ZNF560: variants seen among roughly 807,000 people sequenced by gnomAD.
ZNF560 encodes the protein zinc finger protein 560.
A neutral mutation model predicts 81.8 loss-of-function variants in ZNF560; 54 were observed. The ratio of observed to expected loss-of-function variants is 0.66; its 90% CI spans 0.53 to 0.83. The LOEUF (loss-of-function observed/expected upper bound fraction) is 0.83. Among genes scored for constraint, ZNF560 ranks in the 40% least tolerant of loss-of-function variants. ZNF560 has a pLI of 0.00. For synonymous variants in ZNF560, 321 were observed against 317.9 expected (o/e 1.01, Z -0.10); for missense variants, 940 against 932.4 (o/e 1.01, Z -0.11).
At chr19:9,452,397 C>T in the ZNF560 span, among the ~76,000 whole-genome samples, 15,061 of 152,064 alleles carry the variant, frequency 0.099, 890 homozygotes, top group South Asian at 0.2. Flanking sequence ...ATGCCATTAC[C>T]GGGTATATAC....
the ZNF560 span, among the ~76,000 whole-genome samples, chr19:9,455,164 A>C: frequency 6.6e-6 from 1 of 152,184 alleles, no homozygotes; most frequent in Non-Finnish European, 1.5e-5. Flanking sequence ...CCAGATCAAC[A>C]GGGGAATGTT....
In ZNF560 at chr19:9,474,237, T is replaced by A; in HGVS notation, c.119A>T (p.Asp40Val). The A allele has an allele frequency of 6.2e-7, 1 of 1,614,162 alleles. No homozygotes were observed. The highest frequency in any genetic ancestry group is 8.5e-7 in the Non-Finnish European group (1 of 1,180,020). The change falls in exon 4 of 10, where the codon GAT becomes GTT. Residue 40 changes from aspartate to valine, a missense_variant. By Grantham distance (152) the Asp-to-Val change is radical. Coordinates refer to ENST00000301480, the MANE Select transcript of ZNF560 (RefSeq NM_152476.3). ...LDPVQRNLYR[D>V]VMLENYENVA... is the part of the protein sequence containing the mutation. ...GTTCTCATAATTCTCCAGCATCACATCTCTGTATAAGTTTCTCTGAACTGG... is the reference window on the plus strand; with the variant it reads ...GTTCTCATAATTCTCCAGCATCACAACTCTGTATAAGTTTCTCTGAACTGG...
chr19:9,481,095 A>G (rs1361957237), intron 2 of ZNF560, among the ~76,000 whole-genome samples: 3 of 149,716 alleles, frequency 2.0e-5, no homozygotes, highest in African/African-American at 7.4e-5. Flanking sequence ...AAAAAAAAAA[A>G]AAAAGGCCTC....
intron 9 of ZNF560, among the ~76,000 whole-genome samples, chr19:9,468,710 C>A (rs979914932): frequency 6.7e-6 from 1 of 150,130 alleles, no homozygotes; most frequent in South Asian, 2.1e-4. Flanking sequence ...AAATATCTAT[C>A]ATTTCTGCTG....
intron 2 of ZNF560, among the ~76,000 whole-genome samples, chr19:9,496,470 T>C (rs1013436033): frequency 6.6e-6 from 1 of 150,938 alleles, no homozygotes; most frequent in Admixed American, 6.6e-5. Flanking sequence ...GTGATCCACC[T>C]GCCTCAGCCT....
At position 9,466,422 on chromosome 19, in the gene ZNF560, T is replaced by C. The variant is rs539263604; in HGVS notation, c.*152A>G. The C allele has an allele frequency of 9.0e-4, 602 of 669,134 alleles. 14 individuals are homozygous for C. In the South Asian group the frequency reaches 0.012, roughly 14 times the overall value. 41.4% of individuals were successfully genotyped at this position (669,134 alleles called of 1,614,324 possible). ...TACAGGGTTTCTCTACAGTGTGAGT[T>C]TGTACATATCTAGAAAGATTCAACT... On this transcript the variant is annotated 3_prime_UTR_variant, in exon 10 of 10. Coordinates refer to ENST00000301480, the MANE Select transcript of ZNF560 (RefSeq NM_152476.3).
chr19:9,505,894 C>T, the ZNF560 span, among the ~76,000 whole-genome samples: 4,059 of 152,090 alleles, frequency 0.027, 186 homozygotes, highest in African/African-American at 0.092. Flanking sequence ...TAACTCCTGA[C>T]CTCATGTGAT....
intron 2 of ZNF560, among the ~76,000 whole-genome samples, chr19:9,493,958 C>G (rs1361814570): frequency 1.3e-5 from 2 of 151,476 alleles, no homozygotes; most frequent in East Asian, 3.9e-4. Flanking sequence ...CATGGTGAAA[C>G]ACTGTCTCTA....
upstream of ZNF560, among the ~76,000 whole-genome samples, chr19:9,500,508 A>T (rs2073624812): frequency 6.6e-6 from 1 of 152,042 alleles, no homozygotes; most frequent in Non-Finnish European, 1.5e-5. Context: ...TCACTATTGA[A>T]TATCACGTTA....
Position 9,467,074 on chromosome 19 carries a change from C to T in ZNF560, c.1873G>A (p.Asp625Asn). 3.1e-6 allele frequency: 5 copies of T among 1,613,990 alleles called. No individual in the cohort carries two copies. The highest frequency in any genetic ancestry group is 4.2e-6 in the Non-Finnish European group (5 of 1,180,006). ...LTKHLRRHTG[D>N]KPYEYKDCGK... is the part of the protein sequence containing the mutation. The stretch of plus-strand genomic sequence containing the variant: ...CAGTCCTTATATTCATAGGGCTTAT[C>T]TCCAGTGTGTCTTCGTAAATGTTTA... Residue 625 changes from aspartate (D) to asparagine (N), a missense_variant, in exon 10 of 10, where the codon GAT (aspartate) becomes AAT (asparagine). Asp to Asn is a conservative substitution (Grantham distance 23). Coordinates refer to ENST00000301480, the MANE Select transcript of ZNF560 (RefSeq NM_152476.3).
At chr19:9,494,194 T>C (rs892920539) in intron 2 of ZNF560, among the ~76,000 whole-genome samples, 9 of 151,724 alleles carry the variant, frequency 5.9e-5, no homozygotes, top group Non-Finnish European at 1.3e-4. Flanking sequence ...CATTCTCACT[T>C]AGGGGTGAGA....
At chr19:9,456,765 A>C in the ZNF560 span, among the ~76,000 whole-genome samples, 1 of 152,230 alleles carries the variant, frequency 6.6e-6, no homozygotes, top group African/African-American at 2.4e-5. Context: ...CTATTCAACC[A>C]ATTATAACTT....
intron 5 of ZNF560, 71 bp from the exon 6 acceptor site, chr19:9,471,449 T>A: frequency 1.0e-6 from 1 of 995,288 alleles, no homozygotes; most frequent in Non-Finnish European, 1.4e-6. Context: ...AGTTAAAAAT[T>A]ATAGGCCTCA....
upstream of ZNF560, among the ~76,000 whole-genome samples, chr19:9,499,804 C>A (rs905770558): frequency 3.3e-5 from 5 of 152,078 alleles, no homozygotes; most frequent in African/African-American, 1.2e-4. Context: ...AAATATTTTA[C>A]CTCTTGGGGT....
At position 9,466,681 on chromosome 19, in the gene ZNF560, T is replaced by A; in HGVS notation, c.2266A>T (p.Ile756Phe). Residue 756 changes from isoleucine to phenylalanine, a missense_variant, in exon 10 of 10, where the codon ATT (isoleucine) becomes TTT (phenylalanine). By Grantham distance (21) the Ile-to-Phe change is conservative. Transcript: ENST00000301480. The part of the protein sequence containing the change: ...GKAFRTSSGR[I>F]QHLRTHMGEK... ...CCCATATGAGTTCTTAAATGTTGAA[T>A]ACGTCCTGAGGATGTACGGAAGGCC... 6.2e-7 allele frequency: 1 copy of A among 1,614,164 alleles called. No homozygotes were observed. Among genetic ancestry groups the A allele is most frequent in the Non-Finnish European group, 8.5e-7 (1 of 1,180,022 alleles).
chr19:9,447,667 CAAAG>C, the ZNF560 span, among the ~76,000 whole-genome samples: 4 of 149,726 alleles, frequency 2.7e-5, no homozygotes, highest in East Asian at 5.8e-4. Flanking sequence ...CAGACAAACA[CAAAG>C]AAAAAAATGT....
At chr19:9,482,609 G>T (rs984669007) in intron 2 of ZNF560, among the ~76,000 whole-genome samples, 3 of 151,692 alleles carry the variant, frequency 2.0e-5, no homozygotes, top group Non-Finnish European at 4.4e-5. Flanking sequence ...ACAGGCAAGA[G>T]CAAGACCCTT....
At chr19:9,459,555 CAAGTT>C in the ZNF560 span, among the ~76,000 whole-genome samples, 1 of 152,094 alleles carries the variant, frequency 6.6e-6, no homozygotes, top group African/African-American at 2.4e-5. Flanking sequence ...AGGAATGAGA[CAAGTT>C]AAGAGTTCAT....
chr19:9,496,730 G>A (rs2073565214), intron 2 of ZNF560, among the ~76,000 whole-genome samples: 1 of 151,630 alleles, frequency 6.6e-6, no homozygotes, highest in Non-Finnish European at 1.5e-5. Flanking sequence ...GAGGTCAGGA[G>A]ATCAAGACCA....
Sources: gnomAD v4.1 joint callset for allele counts (sites outside exome capture counted in the v4.1 genomes callset) on GRCh38, gnomAD v4.1.1 for gene constraint, MANE v1.5 for transcripts, NCBI Gene and HGNC (gene_info 2026-07-23, HGNC 2026-07-21) for gene names.